The following GMDS variants were observed in gnomAD, a reference collection of about 807,000 sequenced individuals.
The protein encoded by GMDS is GDP-mannose 4,6 dehydratase.
Under a neutral mutation model 49.9 loss-of-function variants are expected in GMDS, and 20 were observed. The observed-to-expected ratio is 0.40, with a 90% CI of 0.28 to 0.58. GMDS has a LOEUF of 0.58. GMDS is among the 20% of genes least tolerant of loss of function. The pLI is 0.42. For missense variants in GMDS, 362 were observed against 481.4 expected (o/e 0.75, Z 2.32); for synonymous variants, 177 against 178.6 (o/e 0.99, Z 0.07).
chr6:1,699,538 C>T (rs1225954891), intron 9 of GMDS, among the ~76,000 whole-genome samples: 8 of 152,084 alleles, frequency 5.3e-5, no homozygotes, highest in Admixed American at 2.0e-4. Flanking sequence ...GGAAAGAACC[C>T]GTTCCCTTGC....
intron 7 of GMDS, among the ~76,000 whole-genome samples, chr6:1,831,133 C>T (rs956328122): frequency 1.3e-5 from 2 of 152,250 alleles, no homozygotes; most frequent in Admixed American, 1.3e-4. Context: ...AAAGGCATTA[C>T]TGCCATTATA....
At chr6:2,239,998 C>A (rs1781539105) in intron 1 of GMDS, among the ~76,000 whole-genome samples, 1 of 152,182 alleles carries the variant, frequency 6.6e-6, no homozygotes, top group Non-Finnish European at 1.5e-5. Context: ...CACGCCCAGC[C>A]CAATAATGCC....
intron 4 of GMDS, among the ~76,000 whole-genome samples, chr6:2,072,679 A>G (rs533251621): frequency 6.6e-6 from 1 of 152,192 alleles, no homozygotes; most frequent in Non-Finnish European, 1.5e-5. Context: ...AACAAAATCA[A>G]TAGAAGCCAA....
At chr6:1,769,233 C>A (rs188986391) in intron 7 of GMDS, among the ~76,000 whole-genome samples, 1 of 152,164 alleles carries the variant, frequency 6.6e-6, no homozygotes, top group Admixed American at 6.5e-5. Context: ...AAAGAGGAAG[C>A]GGATCCTTCT....
At chr6:1,800,432 C>A (rs529440464) in intron 7 of GMDS, among the ~76,000 whole-genome samples, 5 of 151,966 alleles carry the variant, frequency 3.3e-5, no homozygotes, top group Admixed American at 2.0e-4. Context: ...TACTCACAAC[C>A]ATTTCTTTTC....
At chr6:2,189,947 C>T (rs551536367) in intron 1 of GMDS, among the ~76,000 whole-genome samples, 43 of 152,162 alleles carry the variant, frequency 2.8e-4, no homozygotes, top group African/African-American at 9.2e-4. Flanking sequence ...AATAATGGAG[C>T]GCAGTGAGAT....
At chr6:1,920,867 C>A (rs188396109) in intron 7 of GMDS, among the ~76,000 whole-genome samples, 1 of 152,228 alleles carries the variant, frequency 6.6e-6, no homozygotes, top group East Asian at 1.9e-4. Context: ...AATAGCTAAC[C>A]TAAGTGTGAA....
chr6:1,635,657 A>G lies in GMDS; in HGVS notation c.988-11117T>C, dbSNP rs904318529. 4.6e-5 allele frequency among the ~76,000 whole-genome samples: 7 copies of G among 152,180 alleles called. No homozygotes were observed. The highest frequency in any genetic ancestry group is 1.7e-4 in the African/African-American group (7 of 41,444). Reference sequence around the variant, plus strand: ...ACAAGGCTGAGGGTCTGTGCTGTGCAAAGCCCACCGGGGGGTGTGGCCCTC... The same window carrying G: ...ACAAGGCTGAGGGTCTGTGCTGTGCGAAGCCCACCGGGGGGTGTGGCCCTC... On this transcript the variant is annotated intron_variant, in intron 9 of 10. Transcript: ENST00000380815. This position sits in a 1 kb window ranked among gnomAD's most constrained non-coding sequence, Gnocchi z 4.7.
chr6:1,904,375 G>A (rs148616627), intron 7 of GMDS, among the ~76,000 whole-genome samples: 5 of 152,118 alleles, frequency 3.3e-5, no homozygotes, highest in East Asian at 3.9e-4. Flanking sequence ...CTGTGTGGCC[G>A]TCTGTCCTTC....
chr6:1,837,901 T>A (rs1298115585), intron 7 of GMDS, among the ~76,000 whole-genome samples: 2 of 152,116 alleles, frequency 1.3e-5, no homozygotes, highest in Admixed American at 6.5e-5. Flanking sequence ...ACAGGAGGAC[T>A]AGGGGGACAC....
At chr6:2,010,349 GA>G (rs1290165172) in intron 4 of GMDS, among the ~76,000 whole-genome samples, 175 of 135,698 alleles carry the variant, frequency 1.3e-3, no homozygotes, top group African/African-American at 3.6e-3. Context: ...AAGAAAGAAA[GA>G]AAAAAAAAAA....
chr6:2,136,506 G>A (rs987596249), intron 1 of GMDS, among the ~76,000 whole-genome samples: 1 of 152,186 alleles, frequency 6.6e-6, no homozygotes, highest in South Asian at 2.1e-4. Flanking sequence ...AGTATGGCTT[G>A]AGGCCAAGAG....
In GMDS at chr6:2,048,222, A is replaced by ACTCTAT. The variant is rs1197342513; in HGVS notation, c.345+67543_345+67548dup. Among the ~76,000 whole-genome samples, 9 of 152,276 alleles carry ACTCTAT rather than the reference A, an allele frequency of 5.9e-5. No individual in the cohort carries two copies. In the East Asian group the frequency reaches 1.7e-3, roughly 29 times the overall value. On this transcript the variant is annotated intron_variant, in intron 4 of 10. Transcript: ENST00000380815. ...TACCTTAAGGTTATGAAAATATTCT[A>ACTCTAT]CTCTATCATGTTTTAGAAGGCTAAT...
chr6:2,142,935 T>A (rs2127530159), intron 1 of GMDS, among the ~76,000 whole-genome samples: 1 of 152,246 alleles, frequency 6.6e-6, no homozygotes, highest in East Asian at 1.9e-4. Flanking sequence ...CAGCTGCCCC[T>A]GTCCCTCACA....
chr6:2,102,358 T>C (rs1773974654), intron 4 of GMDS, among the ~76,000 whole-genome samples: 1 of 152,180 alleles, frequency 6.6e-6, no homozygotes, highest in African/African-American at 2.4e-5. Context: ...GGAAAATAAA[T>C]GTTCTAGTGC....
At chr6:2,128,334 C>A (rs1487111201) in intron 1 of GMDS, among the ~76,000 whole-genome samples, 1 of 152,008 alleles carries the variant, frequency 6.6e-6, no homozygotes, top group Non-Finnish European at 1.5e-5. Flanking sequence ...ACCACCACAC[C>A]CAGCTAATTT....
In GMDS at chr6:1,719,348, C is replaced by T. The variant is rs560296385; in HGVS notation, c.987+7068G>A. Among the ~76,000 whole-genome samples the T allele has an allele frequency of 2.3e-4, 35 of 152,188 alleles. 2 individuals carry two copies. In the South Asian group the frequency reaches 6.4e-3, roughly 28 times the overall value. On this transcript the variant is annotated intron_variant, in intron 9 of 10. Transcript: ENST00000380815. ...AAGGCATGCAGGGTGAGAAAGGTGG[C>T]GCAGAGCCCACGGTAGATGGGCATG...
At chr6:1,629,202 A>G (rs1762926607) in intron 9 of GMDS, among the ~76,000 whole-genome samples, 1 of 152,180 alleles carries the variant, frequency 6.6e-6, no homozygotes, top group Non-Finnish European at 1.5e-5. Flanking sequence ...GAAGCCTTAC[A>G]TGCTCACGAA....
intron 7 of GMDS, among the ~76,000 whole-genome samples, chr6:1,843,109 C>CAAATAAAATA (rs10629924): frequency 0.7 from 95,617 of 136,870 alleles, 34,400 homozygotes; most frequent in Non-Finnish European, 0.78. Context: ...GACCCTGCAT[C>CAAATAAAATA]AAATAAAATA....
Sources: allele counts gnomAD v4.1 joint callset (sites outside exome capture counted in the v4.1 genomes callset), GRCh38; gene constraint gnomAD v4.1.1; non-coding constraint Gnocchi (gnomAD v3.1); transcripts MANE v1.5; gene names NCBI Gene and HGNC (gene_info 2026-07-23, HGNC 2026-07-21).